KYNU: variants seen among roughly 807,000 people sequenced by gnomAD.
KYNU encodes L-kynurenine hydrolase.
In KYNU, 54 loss-of-function variants were observed where a neutral mutation model predicts 59.2. The ratio of observed to expected loss-of-function variants is 0.91; its 90% confidence interval spans 0.73 to 1.14. The LOEUF is 1.14. Ranked by LOEUF, KYNU falls within the 50% of genes most tolerant of loss-of-function variation. The pLI, the probability that KYNU is intolerant of heterozygous loss-of-function variation, is 0.00. For missense variants in KYNU, 567 were observed against 554.4 expected, an observed-to-expected ratio of 1.02 and a Z score of -0.23; for synonymous variants, 177 against 192.0, an observed-to-expected ratio of 0.92 and a Z score of 0.65.
intron 10 of KYNU, among the ~76,000 whole-genome samples, chr2:142,991,026 A>G (rs896889705): frequency 5.9e-5 from 9 of 151,922 alleles, no homozygotes; most frequent in African/African-American, 2.2e-4. Context: ...AATTCCCAGG[A>G]AAGTCCCAGA....
chr2:143,004,614 TC>T (rs1227442835), intron 10 of KYNU, among the ~76,000 whole-genome samples: 2 of 152,122 alleles, frequency 1.3e-5, no homozygotes, highest in African/African-American at 4.8e-5. Context: ...GGCAGGAGAA[TC>T]ACTTTAACCA....
chr2:143,042,630 A>G lies in KYNU; in HGVS notation c.*458A>G, dbSNP rs13019411. On this transcript the variant is annotated 3_prime_UTR_variant, in exon 14 of 14. Coordinates refer to ENST00000264170, the MANE Select transcript of KYNU (RefSeq NM_003937.3). ...TATATATATATATATATATATATATATGTGTGTGTGTGTGTGTGTATATAT... is the reference window on the plus strand; with the variant it reads ...TATATATATATATATATATATATATGTGTGTGTGTGTGTGTGTGTATATAT... 0.26 allele frequency: 28,889 copies of G among 113,220 alleles called. 4,429 individuals carry two copies. Among genetic ancestry groups the G allele is most frequent in the East Asian group, 0.44 (1,743 of 3,970 alleles). 7.0% of individuals were successfully genotyped at this position (113,220 alleles called of 1,614,324 possible). A position where few individuals can be genotyped will look rare whatever the true frequency, so the allele number is the denominator to read the frequency against.
intron 8 of KYNU, among the ~76,000 whole-genome samples, chr2:142,968,900 G>A (rs1684628049): frequency 6.6e-6 from 1 of 151,980 alleles, no homozygotes; most frequent in African/African-American, 2.4e-5. Context: ...TGGACAGAGT[G>A]AGACTCTGTC....
At chr2:142,956,512 T>A (rs1266067858) in intron 6 of KYNU, among the ~76,000 whole-genome samples, 1 of 152,208 alleles carries the variant, frequency 6.6e-6, no homozygotes, top group Non-Finnish European at 1.5e-5. Context: ...TTAGTCTTTT[T>A]AAAGACATTG....
chr2:142,885,296 T>A, intron 1 of KYNU, 53 bp from the exon 2 acceptor site: 1 of 1,502,040 alleles, frequency 6.7e-7, no homozygotes, highest in East Asian at 2.3e-5. Flanking sequence ...AAAGGGCTCA[T>A]TTTCTACAGG....
intron 10 of KYNU, among the ~76,000 whole-genome samples, chr2:143,018,251 T>C (rs1307114720): frequency 6.6e-6 from 1 of 152,204 alleles, no homozygotes; most frequent in African/African-American, 2.4e-5. Context: ...CTAGGTTTTC[T>C]TCTAAGACTT....
At chr2:142,997,908 A>G (rs571475934) in intron 10 of KYNU, among the ~76,000 whole-genome samples, 2 of 152,298 alleles carry the variant, frequency 1.3e-5, no homozygotes, top group South Asian at 2.1e-4. Flanking sequence ...ATCCGAAATC[A>G]TATTCACTAG....
chr2:142,975,418 C>T (rs78503263), intron 8 of KYNU, among the ~76,000 whole-genome samples: 5,781 of 152,286 alleles, frequency 0.038, 148 homozygotes, highest in South Asian at 0.06. Flanking sequence ...TGACCTCATT[C>T]TTCCTGTATG....
At position 143,043,759 on chromosome 2, in the gene KYNU, T is replaced by TTATATTTA. The variant is rs201957970; in HGVS notation, c.*1607_*1614dup. 10 of 145,906 alleles carry TTATATTTA rather than the reference T, an allele frequency of 6.9e-5. No individual in the cohort carries two copies. The highest frequency in any genetic ancestry group is 1.5e-4 in the African/African-American group (6 of 40,204). The allele number at this position is 145,906 out of a possible 1,614,324, so 9.0% of individuals were successfully genotyped here. A position where few individuals can be genotyped will look rare whatever the true frequency, so the allele number is the denominator to read the frequency against. ...ATAAATATATATACTTTATATATAT[T>TTATATTTA]TATATTTATATATTTATATATTTAT... On this transcript the variant is annotated 3_prime_UTR_variant, in exon 14 of 14. Transcript: ENST00000264170.
intron 11 of KYNU, among the ~76,000 whole-genome samples, chr2:143,031,737 A>C (rs1686748546): frequency 1.3e-5 from 2 of 152,202 alleles, no homozygotes; most frequent in Admixed American, 1.3e-4. Flanking sequence ...AAACAAAAAC[A>C]AAACTAGTGG....
At chr2:142,968,182 A>G (rs1306014539) in intron 8 of KYNU, among the ~76,000 whole-genome samples, 1 of 152,200 alleles carries the variant, frequency 6.6e-6, no homozygotes, top group Non-Finnish European at 1.5e-5. Flanking sequence ...ATATTTGGTC[A>G]GTAAATTATA....
In KYNU at chr2:143,031,648, C is replaced by T. The variant is rs536265144; in HGVS notation, c.956-1588C>T. ...CTGAGGCGGGAAGATCACCTGAGCC[C>T]GGGGAGGTCAAGGCTGCAGTGAGCC... On this transcript the variant is annotated intron_variant, in intron 11 of 13. Coordinates refer to ENST00000264170, the MANE Select transcript of KYNU (RefSeq NM_003937.3). 7.9e-5 allele frequency among the ~76,000 whole-genome samples: 12 copies of T among 151,964 alleles called. 1 individual carries two copies. Among genetic ancestry groups the T allele is most frequent in the African/African-American group, 1.4e-4 (6 of 41,428 alleles).
chr2:143,036,144 T>C (rs557319776), intron 12 of KYNU, among the ~76,000 whole-genome samples: 48 of 152,090 alleles, frequency 3.2e-4, no homozygotes, highest in African/African-American at 1.1e-3. Context: ...TTCTCCTGCC[T>C]CAGTCTCCTG....
chr2:142,982,795 T>C (rs544751518), intron 8 of KYNU, among the ~76,000 whole-genome samples: 22 of 152,212 alleles, frequency 1.4e-4, no homozygotes, highest in Non-Finnish European at 2.8e-4. Flanking sequence ...AGTATGCATA[T>C]TTTGCTTACC....
chr2:142,887,385 G>A (rs779670672), intron 2 of KYNU, among the ~76,000 whole-genome samples: 13 of 152,174 alleles, frequency 8.5e-5, no homozygotes, highest in Non-Finnish European at 1.6e-4. Flanking sequence ...GTAGGAAAGA[G>A]TATGGCAGTT....
At chr2:142,918,787 C>T (rs1046758824) in intron 3 of KYNU, 58 bp downstream of exon 3, 4 of 1,536,144 alleles carry the variant, frequency 2.6e-6, no homozygotes, top group African/African-American at 1.4e-5. Context: ...TACAAAATCA[C>T]ATTAGGTTGT....
chr2:142,911,190 C>T (rs1377529259), intron 2 of KYNU, among the ~76,000 whole-genome samples: 1 of 152,114 alleles, frequency 6.6e-6, no homozygotes, highest in Non-Finnish European at 1.5e-5. Flanking sequence ...TCTTCCAATC[C>T]ATGAGTATGG....
intron 10 of KYNU, among the ~76,000 whole-genome samples, chr2:143,017,926 C>G (rs1017779252): frequency 6.6e-6 from 1 of 150,380 alleles, no homozygotes; most frequent in Non-Finnish European, 1.5e-5. Flanking sequence ...ATATTTAGTT[C>G]AATTGCTTAA....
At position 143,042,094 on chromosome 2, in the gene KYNU, C is replaced by T. The variant is rs956448674; in HGVS notation, c.1320C>T (p.Leu440=). 1 of 1,611,304 alleles carries T rather than the reference C, an allele frequency of 6.2e-7. No homozygotes were observed. The highest frequency in any genetic ancestry group is 8.5e-7 in the Non-Finnish European group (1 of 1,178,160). ...PNGIRVAPVP[L]YNSFHDVYKF... ...GCATTCGAGTGGCTCCAGTTCCTCTCTATAATTCTTTCCATGATGTTTATA... is the reference window on the plus strand; with the variant it reads ...GCATTCGAGTGGCTCCAGTTCCTCTTTATAATTCTTTCCATGATGTTTATA... Residue 440 remains leucine (L), a synonymous_variant, in exon 14 of 14, where the codon CTC becomes CTT. Transcript: ENST00000264170.
Sources: allele counts gnomAD v4.1 joint callset (sites outside exome capture counted in the v4.1 genomes callset), GRCh38; gene constraint gnomAD v4.1.1; transcripts MANE v1.5; gene names NCBI Gene and HGNC (gene_info 2026-07-23, HGNC 2026-07-21).